Variants in DAB1 observed in about 807,000 individuals in gnomAD.
DAB1 encodes the protein DAB adaptor protein 1, also known as disabled homolog 1.
DAB1 carries 15 observed loss-of-function variants against 64.6 expected under a neutral mutation model. The ratio of observed to expected loss-of-function variants is 0.23; its 90% CI spans 0.16 to 0.36. The LOEUF is 0.36. Ranked by LOEUF, DAB1 falls within the 10% of genes least tolerant of loss-of-function variation. DAB1 has a pLI of 1.00. For synonymous variants in DAB1, 235 were observed against 251.9 expected (o/e 0.93, Z 0.64); for missense variants, 596 against 706.7 (o/e 0.84, Z 1.78).
chr1:57,045,565 G>A (rs1036740764), intron 9 of DAB1, among the ~76,000 whole-genome samples: 1 of 152,094 alleles, frequency 6.6e-6, no homozygotes, highest in Non-Finnish European at 1.5e-5. Context: ...GGGCATCGTG[G>A]CACATGTCTG....
chr1:57,364,069 G>A (rs1325403171), intron 1 of DAB1, among the ~76,000 whole-genome samples: 1 of 152,096 alleles, frequency 6.6e-6, no homozygotes, highest in African/African-American at 2.4e-5. Context: ...GCCATTTTGG[G>A]TCTATTTTGA....
chr1:57,626,597 A>G (rs1441265885), intron 7 of DAB1, among the ~76,000 whole-genome samples: 2 of 152,164 alleles, frequency 1.3e-5, no homozygotes, highest in Non-Finnish European at 2.9e-5. Flanking sequence ...CTTTAACAAG[A>G]CACCATAAAT....
At chr1:57,758,791 CT>C (rs1248092698) in intron 6 of DAB1, among the ~76,000 whole-genome samples, 2 of 152,028 alleles carry the variant, frequency 1.3e-5, no homozygotes, top group Non-Finnish European at 2.9e-5. Flanking sequence ...ACCTGACTGT[CT>C]TCTACCCAAT....
chr1:57,090,819 C>T (rs1653585837), intron 4 of DAB1, among the ~76,000 whole-genome samples: 1 of 152,140 alleles, frequency 6.6e-6, no homozygotes, highest in Non-Finnish European at 1.5e-5. Flanking sequence ...TGTTAGAAAC[C>T]AGGCTGCATA....
At chr1:57,038,318 C>T (rs1351239170) in intron 9 of DAB1, among the ~76,000 whole-genome samples, 1 of 152,000 alleles carries the variant, frequency 6.6e-6, no homozygotes, top group Non-Finnish European at 1.5e-5. Context: ...TTTTCATTGC[C>T]GGAGCTAAGT....
At chr1:58,200,049 A>G (rs1472827498) in intron 4 of DAB1, among the ~76,000 whole-genome samples, 1 of 152,174 alleles carries the variant, frequency 6.6e-6, no homozygotes, top group Non-Finnish European at 1.5e-5. Context: ...CAGAACTCAG[A>G]TGCACAGAGA....
At chr1:58,451,603 G>T (rs893119784) in intron 3 of DAB1, among the ~76,000 whole-genome samples, 1 of 152,094 alleles carries the variant, frequency 6.6e-6, no homozygotes, top group Admixed American at 6.5e-5. Flanking sequence ...ACATGAGAAC[G>T]CCCTGAATAC....
At chr1:57,461,943 C>CTTT (rs545743407) in intron 7 of DAB1, among the ~76,000 whole-genome samples, 6 of 100,336 alleles carry the variant, frequency 6.0e-5, no homozygotes, top group African/African-American at 1.5e-4. Context: ...AAGATATACT[C>CTTT]TTTTTTTTTT....
At chr1:57,148,645 A>T (rs1421881198) in intron 2 of DAB1, among the ~76,000 whole-genome samples, 2 of 152,188 alleles carry the variant, frequency 1.3e-5, no homozygotes, top group Non-Finnish European at 2.9e-5. Context: ...GAAAGACCAC[A>T]CGTTTAAGGA....
At chr1:57,066,649 C>G (rs1254399624) in intron 8 of DAB1, among the ~76,000 whole-genome samples, 1 of 152,118 alleles carries the variant, frequency 6.6e-6, no homozygotes, top group Non-Finnish European at 1.5e-5. Context: ...TTCTATTTCA[C>G]TTAAAACATG....
chr1:57,299,589 A>C (rs556475615), intron 1 of DAB1, among the ~76,000 whole-genome samples: 2 of 150,842 alleles, frequency 1.3e-5, no homozygotes, highest in South Asian at 4.1e-4. Context: ...AATTCATTAC[A>C]TAAACTCCTA....
intron 6 of DAB1, among the ~76,000 whole-genome samples, chr1:57,764,164 G>A (rs1649207364): frequency 6.6e-6 from 1 of 152,132 alleles, no homozygotes; most frequent in Non-Finnish European, 1.5e-5. Context: ...CTCAAAGAAG[G>A]CAATCAGTCC....
chr1:58,016,005 TA>T (rs199786841), intron 5 of DAB1, among the ~76,000 whole-genome samples: 5,164 of 151,128 alleles, frequency 0.034, 106 homozygotes, highest in South Asian at 0.063. Context: ...ACAAACAGCC[TA>T]GGGGGGGGTA....
At chr1:58,364,352 A>G (rs995444022) in intron 3 of DAB1, among the ~76,000 whole-genome samples, 2 of 152,210 alleles carry the variant, frequency 1.3e-5, no homozygotes, top group African/African-American at 4.8e-5. Flanking sequence ...TAGAATAGCA[A>G]ACAAATGGGG....
intron 2 of DAB1, among the ~76,000 whole-genome samples, chr1:57,195,023 GA>G (rs1365418575): frequency 6.6e-6 from 1 of 152,208 alleles, no homozygotes; most frequent in Non-Finnish European, 1.5e-5. Context: ...GAAATGGACA[GA>G]AAATGATTAA....
chr1:57,480,050 G>C (rs1043088866), intron 7 of DAB1, among the ~76,000 whole-genome samples: 6 of 151,514 alleles, frequency 4.0e-5, no homozygotes, highest in Admixed American at 3.9e-4. Flanking sequence ...TACACGGGAG[G>C]CTGAGGCAGG....
chr1:57,534,987 G>C (rs145420974), intron 7 of DAB1, among the ~76,000 whole-genome samples: 4 of 152,218 alleles, frequency 2.6e-5, no homozygotes, highest in East Asian at 3.9e-4. Flanking sequence ...TGCATCAACT[G>C]TGTTCTCTGC....
chr1:57,692,649 T>A (rs974901354), intron 6 of DAB1, among the ~76,000 whole-genome samples: 1 of 152,308 alleles, frequency 6.6e-6, no homozygotes, highest in Middle Eastern at 3.4e-3. Context: ...ATTCTTCTTA[T>A]GTTGAACTTT....
At chr1:57,684,178 G>A (rs1646668139) in intron 6 of DAB1, among the ~76,000 whole-genome samples, 1 of 152,006 alleles carries the variant, frequency 6.6e-6, no homozygotes, top group South Asian at 2.1e-4. Flanking sequence ...AAGAAAGTAA[G>A]CAACTTGGAA....
Sources: allele counts gnomAD v4.1 joint callset (sites outside exome capture counted in the v4.1 genomes callset), GRCh38; gene constraint gnomAD v4.1.1; transcripts MANE v1.5; gene names NCBI Gene and HGNC (gene_info 2026-07-23, HGNC 2026-07-21).